The following COL4A4 variants were observed in gnomAD, a reference collection of about 807,000 sequenced individuals.
The protein encoded by COL4A4 is collagen alpha-4(IV) chain.
In COL4A4, 105 loss-of-function variants were observed where a neutral mutation model predicts 192.9. The observed-to-expected ratio is 0.54, with a 90% CI of 0.46 to 0.64. The LOEUF (loss-of-function observed/expected upper bound fraction) is 0.64. COL4A4 is among the 30% of genes least tolerant of loss of function. COL4A4 has a pLI of 0.00. For synonymous variants in COL4A4, 762 were observed against 769.9 expected, an observed-to-expected ratio of 0.99 and a Z score of 0.17; for missense variants, 1,967 against 2,169.3, an observed-to-expected ratio of 0.91 and a Z score of 1.85.
the COL4A4 span, among the ~76,000 whole-genome samples, chr2:226,971,344 G>A: frequency 6.6e-6 from 1 of 152,078 alleles, no homozygotes; most frequent in Non-Finnish European, 1.5e-5. Flanking sequence ...AAAGTCTGGT[G>A]TCGAAGGACG....
chr2:226,971,267 T>C, the COL4A4 span, among the ~76,000 whole-genome samples: 1 of 152,148 alleles, frequency 6.6e-6, no homozygotes, highest in African/African-American at 2.4e-5. Flanking sequence ...TGCTTGTTGG[T>C]GAATGCCCAA....
chr2:227,157,270 T>C (rs1468930882), intron 1 of COL4A4, among the ~76,000 whole-genome samples: 1 of 151,960 alleles, frequency 6.6e-6, no homozygotes, highest in African/African-American at 2.4e-5. Flanking sequence ...AAACACAACA[T>C]ATCAAAATTT....
chr2:227,094,394 A>G, intron 19 of COL4A4, 105 bp from the exon 20 acceptor site: 1 of 1,185,040 alleles, frequency 8.4e-7, no homozygotes, highest in Non-Finnish European at 1.2e-6. Context: ...CGAATTTTTT[A>G]AAGGGAAAGA....
At chr2:227,066,060 G>A (rs1458249381) in intron 25 of COL4A4, among the ~76,000 whole-genome samples, 6 of 152,156 alleles carry the variant, frequency 3.9e-5, no homozygotes, top group South Asian at 2.1e-4. Context: ...ACCAAGCCTC[G>A]AGAACTACGT....
Position 227,047,685 on chromosome 2 carries a change from T to A in COL4A4, c.3215-136A>T, listed in dbSNP as rs1002427671. 1.4e-5 allele frequency: 9 copies of A among 647,432 alleles called. No individual in the cohort carries two copies. In the African/African-American group the frequency reaches 1.7e-4, roughly 12 times the overall value. 40.1% of individuals were successfully genotyped at this position (647,432 alleles called of 1,614,324 possible). ...AGAGTGTTTTTAAATACTTTTATTC[T>A]AAATAAGAACAAATAGAAATATAGA... On this transcript the variant is annotated intron_variant, in intron 34 of 47. Transcript: ENST00000396625.
intron 19 of COL4A4, 130 bp downstream of exon 19, chr2:227,098,564 A>G: frequency 1.4e-6 from 1 of 716,552 alleles, no homozygotes; most frequent in Non-Finnish European, 2.5e-6. Context: ...TGGGGTGTGC[A>G]CAGGCATCGG....
Position 227,004,383 on chromosome 2 carries a change from T to C in COL4A4, c.*2942A>G, listed in dbSNP as rs139911071. On this transcript the variant is annotated 3_prime_UTR_variant, in exon 48 of 48. Transcript: ENST00000396625. ...GAGTGTCTGCAGAGCTGCACACAGT[T>C]CATCATGACAGGAAATACTCCTAGA... 7 of 152,366 alleles carry C rather than the reference T, an allele frequency of 4.6e-5. No individual in the cohort carries two copies. The highest frequency in any genetic ancestry group is 1.7e-4 in the African/African-American group (7 of 41,548). The allele number at this position is 152,366 out of a possible 1,614,324, so 9.4% of individuals were successfully genotyped here.
the COL4A4 span, among the ~76,000 whole-genome samples, chr2:226,977,755 C>G: frequency 6.6e-6 from 1 of 152,190 alleles, no homozygotes; most frequent in Non-Finnish European, 1.5e-5. Context: ...TTGAAGAAAT[C>G]TTTTGAGGTT....
intron 35 of COL4A4, among the ~76,000 whole-genome samples, chr2:227,043,963 A>G (rs1971949158): frequency 6.6e-6 from 1 of 152,232 alleles, no homozygotes; most frequent in African/African-American, 2.4e-5. Flanking sequence ...CCATCCCAGA[A>G]TCACCCATAA....
chr2:227,079,480 G>T (rs986729886), intron 24 of COL4A4, among the ~76,000 whole-genome samples: 1 of 152,162 alleles, frequency 6.6e-6, no homozygotes, highest in Non-Finnish European at 1.5e-5. Flanking sequence ...AGGTCAGAAA[G>T]CTATAAACAC....
At chr2:226,972,252 A>G in the COL4A4 span, among the ~76,000 whole-genome samples, 1 of 152,204 alleles carries the variant, frequency 6.6e-6, no homozygotes, top group Non-Finnish European at 1.5e-5. Context: ...TGCAAAGGAC[A>G]TGATCTCATT....
At chr2:227,025,637 T>C (rs544658777) in intron 43 of COL4A4, among the ~76,000 whole-genome samples, 165 bp downstream of exon 43, 1 of 152,266 alleles carries the variant, frequency 6.6e-6, no homozygotes, top group Non-Finnish European at 1.5e-5. Context: ...GAGGTTACTA[T>C]ATCTGTAACG....
intron 22 of COL4A4, among the ~76,000 whole-genome samples, chr2:227,086,952 T>G (rs763963145): frequency 6.6e-6 from 1 of 152,228 alleles, no homozygotes; most frequent in Non-Finnish European, 1.5e-5. Context: ...GACACCTTAA[T>G]CATTAACTTC....
chr2:227,026,810 G>A (rs556648822), intron 42 of COL4A4, among the ~76,000 whole-genome samples: 1 of 152,160 alleles, frequency 6.6e-6, no homozygotes, highest in South Asian at 2.1e-4. Context: ...TCCTAGGAAC[G>A]AATGGAATTT....
chr2:226,973,862 G>A, the COL4A4 span, among the ~76,000 whole-genome samples: 1 of 152,202 alleles, frequency 6.6e-6, no homozygotes, highest in Admixed American at 6.5e-5. Context: ...GCTACTGTGT[G>A]TTAGAATTGT....
In COL4A4 at chr2:227,006,626, G is replaced by A. The variant is rs1032764738; in HGVS notation, c.*699C>T. ...TCTATTCTCTGAAAAATGCAGAAGA[G>A]AACATAATGTTTTATATTCATCTGT... On this transcript the variant is annotated 3_prime_UTR_variant, in exon 48 of 48. Coordinates refer to ENST00000396625, the MANE Select transcript of COL4A4 (RefSeq NM_000092.5). 3 of 152,106 alleles carry A rather than the reference G, an allele frequency of 2.0e-5. No homozygotes were observed. The highest frequency in any genetic ancestry group is 7.2e-5 in the African/African-American group (3 of 41,408). 9.4% of individuals were successfully genotyped at this position (152,106 alleles called of 1,614,324 possible).
chr2:227,017,411 A>G (rs1965126993), intron 44 of COL4A4, among the ~76,000 whole-genome samples: 1 of 152,254 alleles, frequency 6.6e-6, no homozygotes, highest in African/African-American at 2.4e-5. Flanking sequence ...GAATAAAACT[A>G]AACATCAAAA....
intron 47 of COL4A4, 134 bp from the exon 48 acceptor site, chr2:227,007,722 C>A: frequency 7.8e-7 from 1 of 1,274,648 alleles, no homozygotes; most frequent in Non-Finnish European, 1.1e-6. Flanking sequence ...AAAATACAAG[C>A]GCTGAAAAGG....
chr2:227,031,475 G>A (rs1481572657), intron 40 of COL4A4, among the ~76,000 whole-genome samples: 3 of 152,106 alleles, frequency 2.0e-5, no homozygotes, highest in Admixed American at 2.0e-4. Flanking sequence ...TTGTCCCTGT[G>A]AAGTGATGAA....
Sources: allele counts gnomAD v4.1 joint callset (sites outside exome capture counted in the v4.1 genomes callset), GRCh38; gene constraint gnomAD v4.1.1; transcripts MANE v1.5; gene names NCBI Gene and HGNC (gene_info 2026-07-23, HGNC 2026-07-21).